The following SDAD1 variants were observed in gnomAD, a reference collection of about 807,000 sequenced individuals.
SDAD1 encodes the protein protein SDA1 homolog.
SDAD1 carries 79 observed loss-of-function variants against 100.3 expected under a neutral mutation model. The observed-to-expected ratio is 0.79, with a 90% confidence interval of 0.66 to 0.95. The LOEUF (loss-of-function observed/expected upper bound fraction) is 0.95. Among genes scored for constraint, SDAD1 ranks in the 40% least tolerant of loss-of-function variants. SDAD1 has a pLI of 0.00. For synonymous variants in SDAD1, 267 were observed against 271.4 expected, an observed-to-expected ratio of 0.98 and a Z score of 0.16; for missense variants, 790 against 810.9, an observed-to-expected ratio of 0.97 and a Z score of 0.31.
rs1194423301 is a variant in SDAD1 at position 75,960,171 on chromosome 4, T to C, written c.1378A>G (p.Ile460Val). Reference protein sequence around the residue: ...KFRGKPTEASIEARVQEYGEL... With the variant: ...KFRGKPTEASVEARVQEYGEL... ...CCATATTCTTGTACTCTTGCTTCTA[T>C]GGAGGCCTCTGTAGGCTTACCCTAA... The change falls in exon 17 of 22, where the codon ATA (isoleucine) becomes GTA (valine). Residue 460 changes from isoleucine to valine, a missense_variant. Ile to Val is a conservative substitution (Grantham distance 29, BLOSUM62 3). Transcript: ENST00000356260. The C allele has an allele frequency of 1.2e-6, 2 of 1,607,220 alleles. No individual in the cohort carries two copies. Among genetic ancestry groups the C allele is most frequent in the Admixed American group, 1.7e-5 (1 of 58,534 alleles).
Position 75,968,359 on chromosome 4 carries a change from A to T in SDAD1, c.987+937T>A, listed in dbSNP as rs927741870. ...TTCATTTTCAACGTGATATATGTCT[A>T]TATTGTTTGAAAAGTGTTTTTCTTT... On this transcript the variant is annotated intron_variant, in intron 11 of 21. Transcript: ENST00000356260. Among the ~76,000 whole-genome samples the T allele has an allele frequency of 2.0e-5, 3 of 152,184 alleles. No individual in the cohort carries two copies. In the East Asian group the frequency reaches 5.8e-4, roughly 29 times the overall value.
chr4:75,984,786 C>A (rs1292670823), intron 1 of SDAD1, among the ~76,000 whole-genome samples: 1 of 146,890 alleles, frequency 6.8e-6, no homozygotes. Flanking sequence ...CAAACACACA[C>A]ACACACACAC....
At position 75,981,849 on chromosome 4, in the gene SDAD1, T is replaced by TATTA. The variant is rs1730540348; in HGVS notation, c.195+83_195+84insTAAT. 40 of 971,618 alleles carry TATTA rather than the reference T, an allele frequency of 4.1e-5. No individual in the cohort carries two copies. In the South Asian group the frequency reaches 5.9e-4, roughly 14 times the overall value. 60.2% of individuals were successfully genotyped at this position (971,618 alleles called of 1,614,324 possible). A position where few individuals can be genotyped will look rare whatever the true frequency, so the allele number is the denominator to read the frequency against. On this transcript the variant is annotated intron_variant, in intron 2 of 21. Coordinates refer to ENST00000356260, the MANE Select transcript of SDAD1 (RefSeq NM_018115.4). The stretch of plus-strand genomic sequence containing the variant: ...TTTTAATTAAGTTCCCATTCCAGAG[T>TATTA]GGAATAAGGTTGAGTATTAGTGAAA...
chr4:75,970,492 A>G, intron 9 of SDAD1, 114 bp from the exon 10 acceptor site: 1 of 720,866 alleles, frequency 1.4e-6, no homozygotes, highest in Admixed American at 3.1e-5. Context: ...AAGAAAAAAA[A>G]CTTTGTTCTA....
intron 21 of SDAD1, among the ~76,000 whole-genome samples, chr4:75,953,090 T>C (rs76279524): frequency 0.017 from 2,585 of 152,282 alleles, 64 homozygotes; most frequent in Middle Eastern, 0.061. Context: ...GGGACACACA[T>C]AGAAATTCTG....
chr4:75,978,367 T>C (rs1730277964), intron 3 of SDAD1, among the ~76,000 whole-genome samples: 1 of 151,624 alleles, frequency 6.6e-6, no homozygotes, highest in Admixed American at 6.6e-5. Context: ...TTTTTTTTTT[T>C]TTTTCTATTT....
Position 75,964,168 on chromosome 4 carries a change from G to A in SDAD1, c.1148C>T (p.Thr383Ile), listed in dbSNP as rs781662076. Residue 383 changes from threonine to isoleucine, a missense_variant, in exon 14 of 22, where the codon ACC becomes ATC. Transcript: ENST00000356260. Reference protein sequence around the residue: ...LLMTVANNFVTDKNSGEVMTV... With the variant: ...LLMTVANNFVIDKNSGEVMTV... Reference sequence around the variant, plus strand: ...CATGACTTCTCCAGAGTTCTTGTCGGTAACAAAATTGTTTGCCACAGTCAT... The same window carrying A: ...CATGACTTCTCCAGAGTTCTTGTCGATAACAAAATTGTTTGCCACAGTCAT... 5.0e-6 allele frequency: 8 copies of A among 1,608,442 alleles called. No individual in the cohort carries two copies. The East Asian group carries it at 9.0e-5, about 18-fold the overall frequency.
At chr4:75,968,412 T>C (rs1038368275) in intron 11 of SDAD1, among the ~76,000 whole-genome samples, 1 of 152,206 alleles carries the variant, frequency 6.6e-6, no homozygotes. Context: ...TTTAAATGGA[T>C]GTTCAGAGCA....
At chr4:75,990,720 G>A (rs1361494568) in intron 1 of SDAD1, 32 bp downstream of exon 1, 60 of 1,612,858 alleles carry the variant, frequency 3.7e-5, no homozygotes, top group Non-Finnish European at 5.0e-5. Flanking sequence ...TCCACTATCC[G>A]GCCTCTAGCG....
rs1018826741 is a variant in SDAD1, at chr4:75,990,923, C to T, written c.-82G>A. The T allele has an allele frequency of 1.6e-5, 24 of 1,546,952 alleles. No homozygotes were observed. Among genetic ancestry groups the T allele is most frequent in the Non-Finnish European group, 2.0e-5 (23 of 1,124,760 alleles). On this transcript the variant is annotated 5_prime_UTR_variant, in exon 1 of 22. Transcript: ENST00000356260. Reference sequence around the variant, plus strand: ...ACCCCGCAATCCCTGCCAGCTGCAGCTTGGACTCGTGTTTCCGGGTATGAC... The same window carrying T: ...ACCCCGCAATCCCTGCCAGCTGCAGTTTGGACTCGTGTTTCCGGGTATGAC...
intron 1 of SDAD1, among the ~76,000 whole-genome samples, chr4:75,988,558 C>T (rs1015499384): frequency 4.6e-5 from 7 of 152,110 alleles, no homozygotes; most frequent in African/African-American, 1.7e-4. Context: ...CTTTTTTTCA[C>T]AGCACTTTTC....
chr4:75,978,461 C>T (rs1173308800), intron 3 of SDAD1, among the ~76,000 whole-genome samples: 1 of 151,710 alleles, frequency 6.6e-6, no homozygotes, highest in Non-Finnish European at 1.5e-5. Flanking sequence ...CTTCAGCCTC[C>T]TAAGTAGCTG....
intron 6 of SDAD1, 130 bp from the exon 7 acceptor site, chr4:75,974,263 A>T: frequency 1.3e-6 from 1 of 749,502 alleles, no homozygotes; most frequent in Non-Finnish European, 2.3e-6. Context: ...GTAATATTTT[A>T]AAAAGATACG....
At chr4:75,978,375 T>C (rs1730280659) in intron 3 of SDAD1, among the ~76,000 whole-genome samples, 2 of 151,098 alleles carry the variant, frequency 1.3e-5, no homozygotes, top group African/African-American at 2.4e-5. Flanking sequence ...TTTTTTTCTA[T>C]TTTTAAGAGA....
At chr4:75,970,944 A>C (rs1291693360) in intron 9 of SDAD1, among the ~76,000 whole-genome samples, 1 of 152,196 alleles carries the variant, frequency 6.6e-6, no homozygotes, top group Non-Finnish European at 1.5e-5. Context: ...TTCCTTTATA[A>C]ATTACCCAGC....
chr4:75,982,943 CT>C (rs1367829431), intron 1 of SDAD1, among the ~76,000 whole-genome samples: 1 of 152,118 alleles, frequency 6.6e-6, no homozygotes, highest in Non-Finnish European at 1.5e-5. Context: ...TATCCCTCCC[CT>C]AGCCCCCCAC....
At chr4:75,955,339 C>T (rs1404815984) in intron 21 of SDAD1, among the ~76,000 whole-genome samples, 1 of 151,918 alleles carries the variant, frequency 6.6e-6, no homozygotes, top group African/African-American at 2.4e-5. Context: ...GACCAGAAGG[C>T]GGTGACCCCC....
chr4:75,971,270 G>T, intron 9 of SDAD1, 87 bp downstream of exon 9: 1 of 892,544 alleles, frequency 1.1e-6, no homozygotes, highest in Non-Finnish European at 1.8e-6. Flanking sequence ...ATGGTACTCT[G>T]ATTTTAAATT....
At chr4:75,971,828 C>T (rs1212646601) in intron 8 of SDAD1, among the ~76,000 whole-genome samples, 3 of 152,024 alleles carry the variant, frequency 2.0e-5, no homozygotes, top group East Asian at 1.9e-4. Context: ...GCTGAGATCA[C>T]GCCACTGCAC....
Sources: allele counts gnomAD v4.1 joint callset (sites outside exome capture counted in the v4.1 genomes callset), GRCh38; gene constraint gnomAD v4.1.1; transcripts MANE v1.5; gene names NCBI Gene and HGNC (gene_info 2026-07-23, HGNC 2026-07-21).